NOS1: variants seen among roughly 807,000 people sequenced by gnomAD.
NOS1 encodes the protein nitric oxide synthase 1.
NOS1 carries 51 observed loss-of-function variants against 164.5 expected under a neutral mutation model. The ratio of observed to expected loss-of-function variants is 0.31; its 90% CI spans 0.25 to 0.39. NOS1 has a LOEUF of 0.39. Ranked by LOEUF, NOS1 falls within the 10% of genes least tolerant of loss-of-function variation. NOS1 has a pLI of 1.00. For missense variants in NOS1, 1,362 were observed against 1,885.6 expected (o/e 0.72, Z 5.14); for synonymous variants, 719 against 745.8 (o/e 0.96, Z 0.59).
At chr12:117,231,794 G>T (rs966104441) in intron 22 of NOS1, among the ~76,000 whole-genome samples, 168 bp downstream of exon 22, 4 of 152,178 alleles carry the variant, frequency 2.6e-5, no homozygotes, top group African/African-American at 7.2e-5. Flanking sequence ...TAGAACTGGT[G>T]GAAGACCAGC....
At chr12:117,299,129 G>T (rs1873622278) in intron 3 of NOS1, among the ~76,000 whole-genome samples, 1 of 152,130 alleles carries the variant, frequency 6.6e-6, no homozygotes. Context: ...CACCTCTCCC[G>T]GGCAGCAAGC....
At position 117,208,728 on chromosome 12, in the gene NOS1, C is replaced by CTTT. The variant is rs10644899; in HGVS notation, c.*6578_*6580dup. 1,861 of 926,554 alleles carry CTTT rather than the reference C, an allele frequency of 2.0e-3. 9 individuals are homozygous for CTTT. In the African/African-American group the frequency reaches 0.029, roughly 15 times the overall value. The allele number at this position is 926,554 out of a possible 1,614,324, so 57.4% of individuals were successfully genotyped here. On this transcript the variant is annotated 3_prime_UTR_variant, in exon 29 of 29. Coordinates refer to ENST00000317775, the MANE Select transcript of NOS1 (RefSeq NM_000620.5). ...CATCCTCTGTTCTGGCATGGGAGGG[C>CTTT]TTTTTTTTTTTTTTCCACAGGGTCT...
Position 117,210,210 on chromosome 12 carries a change from G to T in NOS1, c.*5099C>A. 1.3e-6 allele frequency: 1 copy of T among 792,432 alleles called. No individual in the cohort carries two copies. Among genetic ancestry groups the T allele is most frequent in the Non-Finnish European group, 1.5e-6 (1 of 655,494 alleles). The allele number at this position is 792,432 out of a possible 1,614,324, so 49.1% of individuals were successfully genotyped here. On this transcript the variant is annotated 3_prime_UTR_variant, in exon 29 of 29. Transcript: ENST00000317775. The stretch of plus-strand genomic sequence containing the variant: ...TGCCCAAGCTGGTCTCAAACTCCTG[G>T]CCCCAAGTGATCCTCCCACCTCAGT...
intron 1 of NOS1, among the ~76,000 whole-genome samples, chr12:117,335,622 AG>A (rs1326571546): frequency 6.6e-6 from 1 of 152,060 alleles, no homozygotes; most frequent in Non-Finnish European, 1.5e-5. Flanking sequence ...CTGCAACAGA[AG>A]GAAAGGTAAC....
chr12:117,237,982 C>T (rs539811777), intron 20 of NOS1, among the ~76,000 whole-genome samples: 42 of 152,174 alleles, frequency 2.8e-4, no homozygotes, highest in East Asian at 1.4e-3. Flanking sequence ...TAAGCAGAGA[C>T]GTGCAAAGAC....
At chr12:117,348,003 C>T (rs937272594) in intron 1 of NOS1, 2 of 150,414 alleles carry the variant, frequency 1.3e-5, no homozygotes, top group Non-Finnish European at 2.9e-5. Flanking sequence ...AAGATTCAGT[C>T]CCAGATCCCC....
intron 17 of NOS1, among the ~76,000 whole-genome samples, chr12:117,253,180 T>C (rs1871216681): frequency 6.6e-6 from 1 of 152,152 alleles, no homozygotes; most frequent in African/African-American, 2.4e-5. Context: ...CATCGGAATC[T>C]CTGGAGATGG....
chr12:117,213,812 C>A lies in NOS1; in HGVS notation c.*1497G>T, dbSNP rs1457613161. 3.0e-6 allele frequency: 3 copies of A among 985,268 alleles called. No individual in the cohort carries two copies. The allele number at this position is 985,268 out of a possible 1,614,324, so 61.0% of individuals were successfully genotyped here. ...AGGATTTCTTGTCTCTTTCTGGGAA[C>A]TGCCTGACACTAATTTGTAGTATTT... On this transcript the variant is annotated 3_prime_UTR_variant, in exon 29 of 29. Coordinates refer to ENST00000317775, the MANE Select transcript of NOS1 (RefSeq NM_000620.5).
Position 117,234,731 on chromosome 12 carries a change from G to A in NOS1, c.3069C>T (p.His1023=), listed in dbSNP as rs1156417629. ...SSRSTIFVRL[H]TNGSQELQYQ... ...ACTGCAGCTCCTGGCTCCCGTTGGT[G>A]TGGAGACGCACGAAGATAGTTGACC... The change falls in exon 21 of 29, where the codon CAC becomes CAT. Residue 1023 remains histidine (H), a synonymous_variant. Transcript: ENST00000317775. This position sits in a 1 kb window ranked among gnomAD's most constrained non-coding sequence, Gnocchi z 4.3. 2 of 1,613,372 alleles carry A rather than the reference G, an allele frequency of 1.2e-6. No homozygotes were observed.
rs1415100161 is a variant in NOS1, at chr12:117,208,440, C to A, written c.*6869G>T. ...TGTGTGTGGTGAGATGCGACCAGGT[C>A]TGCCCACCTCCCCAGCTTCCCAAGC... On this transcript the variant is annotated 3_prime_UTR_variant, in exon 29 of 29. Coordinates refer to ENST00000317775, the MANE Select transcript of NOS1 (RefSeq NM_000620.5). 1 of 1,103,376 alleles carries A rather than the reference C, an allele frequency of 9.1e-7. No individual in the cohort carries two copies. The highest frequency in any genetic ancestry group is 1.5e-5 in the South Asian group (1 of 67,110). 68.3% of individuals were successfully genotyped at this position (1,103,376 alleles called of 1,614,324 possible).
At chr12:117,250,316 T>C (rs1250406462) in intron 17 of NOS1, among the ~76,000 whole-genome samples, 4 of 151,142 alleles carry the variant, frequency 2.6e-5, no homozygotes, top group Admixed American at 1.3e-4. Flanking sequence ...TAGATAGCAT[T>C]TTGCCATTTA....
intron 1 of NOS1, among the ~76,000 whole-genome samples, chr12:117,352,781 G>A (rs578009383): frequency 6.6e-6 from 1 of 152,210 alleles, no homozygotes; most frequent in Non-Finnish European, 1.5e-5. Context: ...TTCGTGTGTG[G>A]GAGGTGAGGG....
Position 117,286,135 on chromosome 12 carries a change from C to T in NOS1, c.1259G>A (p.Cys420Tyr), listed in dbSNP as rs1440396424. The T allele has an allele frequency of 3.7e-6, 6 of 1,614,114 alleles. No homozygotes were observed. The highest frequency in any genetic ancestry group is 5.1e-6 in the Non-Finnish European group (6 of 1,180,054). ...CTTGGACCACTGGATCCTGCCCACACAGCGCGAGGCATTCCGCCAGGCGTG... is the reference window on the plus strand; with the variant it reads ...CTTGGACCACTGGATCCTGCCCACATAGCGCGAGGCATTCCGCCAGGCGTG... ...AKHAWRNASRCVGRIQWSKLQ... is the reference protein window; with the variant it reads ...AKHAWRNASRYVGRIQWSKLQ... The change falls in exon 6 of 29, where the codon TGT (cysteine) becomes TAT (tyrosine). Residue 420 changes from cysteine (C) to tyrosine (Y), a missense_variant. Cys to Tyr is a radical substitution (Grantham distance 194). This residue lies in a region of NOS1 where 129 missense variants were observed against 186.0 expected (regional missense o/e 0.69). Coordinates refer to ENST00000317775, the MANE Select transcript of NOS1 (RefSeq NM_000620.5).
intron 8 of NOS1, among the ~76,000 whole-genome samples, chr12:117,279,833 C>T (rs527546602): frequency 2.0e-5 from 3 of 152,280 alleles, no homozygotes; most frequent in East Asian, 3.9e-4. Flanking sequence ...GTTACAGTCC[C>T]CTCCTCATGA....
At chr12:117,225,861 TCAA>T (rs1868629216) in intron 24 of NOS1, among the ~76,000 whole-genome samples, 3 of 152,164 alleles carry the variant, frequency 2.0e-5, no homozygotes, top group African/African-American at 7.2e-5. Flanking sequence ...ACTCCTGACC[TCAA>T]GTGATCTGCC....
chr12:117,256,147 A>T lies in NOS1; in HGVS notation c.2531+2250T>A, dbSNP rs888191787. ...GGGAAGGAGAGAGGTAAGGAGAGTGAGGACTAAGATGCTGGAGTTGGGCGT... is the reference window on the plus strand; with the variant it reads ...GGGAAGGAGAGAGGTAAGGAGAGTGTGGACTAAGATGCTGGAGTTGGGCGT... On this transcript the variant is annotated intron_variant, in intron 16 of 28. Transcript: ENST00000317775. 5.8e-6 allele frequency: 3 copies of T among 513,864 alleles called. No individual in the cohort carries two copies. In the African/African-American group the frequency reaches 5.9e-5, roughly 10 times the overall value. 31.8% of individuals were successfully genotyped at this position (513,864 alleles called of 1,614,324 possible). A position where few individuals can be genotyped will look rare whatever the true frequency, so the allele number is the denominator to read the frequency against.
chr12:117,263,411 C>T (rs1052161688), intron 13 of NOS1, among the ~76,000 whole-genome samples: 10 of 151,720 alleles, frequency 6.6e-5, no homozygotes, highest in African/African-American at 1.9e-4. Flanking sequence ...GCAGGAGGAT[C>T]GCTTGAGGCC....
At chr12:117,304,159 G>A (rs1406344994) in intron 3 of NOS1, among the ~76,000 whole-genome samples, 3 of 151,898 alleles carry the variant, frequency 2.0e-5, no homozygotes, top group Non-Finnish European at 4.4e-5. Context: ...GCGACAGAGC[G>A]AGACTCCATC....
Position 117,213,105 on chromosome 12 carries a change from C to T in NOS1, c.*2204G>A. Reference sequence around the variant, plus strand: ...ACATGCAGAAAGGAGGTGCCTGGCACCTTGTAAGCGCTTCTAAGTATTTAT... The same window carrying T: ...ACATGCAGAAAGGAGGTGCCTGGCATCTTGTAAGCGCTTCTAAGTATTTAT... On this transcript the variant is annotated 3_prime_UTR_variant, in exon 29 of 29. Coordinates refer to ENST00000317775, the MANE Select transcript of NOS1 (RefSeq NM_000620.5). 1 of 985,462 alleles carries T rather than the reference C, an allele frequency of 1.0e-6. No homozygotes were observed. Among genetic ancestry groups the T allele is most frequent in the East Asian group, 1.1e-4 (1 of 8,816 alleles). The allele number at this position is 985,462 out of a possible 1,614,324, so 61.0% of individuals were successfully genotyped here.
Sources: allele counts gnomAD v4.1 joint callset (sites outside exome capture counted in the v4.1 genomes callset), GRCh38; gene constraint gnomAD v4.1.1; regional missense constraint gnomAD v4.1.1; non-coding constraint Gnocchi (gnomAD v3.1); transcripts MANE v1.5; gene names NCBI Gene and HGNC (gene_info 2026-07-23, HGNC 2026-07-21).